The following MRPL1 variants were observed in gnomAD, a reference collection of about 807,000 sequenced individuals.
MRPL1 encodes mitochondrial ribosomal protein L1, also known as large ribosomal subunit protein uL1m.
MRPL1 carries 28 observed loss-of-function variants against 38.0 expected under a neutral mutation model. The ratio of observed to expected loss-of-function variants is 0.74; its 90% CI spans 0.55 to 1.01. The LOEUF is 1.01. MRPL1 is among the 50% of genes least tolerant of loss of function. MRPL1 has a pLI of 0.00. For missense variants in MRPL1, 358 were observed against 389.8 expected, an observed-to-expected ratio of 0.92 and a Z score of 0.69; for synonymous variants, 123 against 126.7, an observed-to-expected ratio of 0.97 and a Z score of 0.20.
Position 77,952,622 on chromosome 4 carries a change from G to A in MRPL1, c.*15G>A, listed in dbSNP as rs749323066. On this transcript the variant is annotated 3_prime_UTR_variant, in exon 9 of 9. Coordinates refer to ENST00000315567, the MANE Select transcript of MRPL1 (RefSeq NM_020236.4). ...AAGATGCCTAAATGTGGTGAATTGT[G>A]AAATTACTTTCAGTGGTTTAAGAAG... 6.6e-7 allele frequency: 1 copy of A among 1,505,028 alleles called. No homozygotes were observed. Among genetic ancestry groups the A allele is most frequent in the Non-Finnish European group, 9.2e-7 (1 of 1,085,548 alleles). The allele number at this position is 1,505,028 out of a possible 1,614,324, so 93.2% of individuals were successfully genotyped here.
chr4:77,947,753 TTAAA>T (rs1422794585), intron 7 of MRPL1, among the ~76,000 whole-genome samples: 2 of 152,210 alleles, frequency 1.3e-5, no homozygotes, highest in Non-Finnish European at 2.9e-5. Flanking sequence ...CATTAGCCAA[TTAAA>T]TAATCACAGT....
At chr4:77,926,664 A>C (rs977926681) in intron 7 of MRPL1, among the ~76,000 whole-genome samples, 2 of 147,804 alleles carry the variant, frequency 1.4e-5, no homozygotes, top group Non-Finnish European at 3.0e-5. Flanking sequence ...GCTGGAGTGC[A>C]GTGGTGCGAT....
At chr4:77,913,248 G>A (rs1231166183) in intron 7 of MRPL1, among the ~76,000 whole-genome samples, 3 of 151,906 alleles carry the variant, frequency 2.0e-5, no homozygotes, top group Non-Finnish European at 2.9e-5. Context: ...TACAGACTGG[G>A]AAAAATATTT....
chr4:77,926,626 T>TC (rs146608405), intron 7 of MRPL1, among the ~76,000 whole-genome samples: 30,724 of 148,712 alleles, frequency 0.21, 3,850 homozygotes, highest in African/African-American at 0.34. Context: ...TTTTTTTTTT[T>TC]GAGACAGAGT....
chr4:77,893,111 A>G (rs1735840522), intron 5 of MRPL1, among the ~76,000 whole-genome samples: 1 of 152,190 alleles, frequency 6.6e-6, no homozygotes, highest in African/African-American at 2.4e-5. Flanking sequence ...AAGGCTTTGA[A>G]TGGCATATTG....
At chr4:77,886,895 G>C (rs1279318404) in intron 4 of MRPL1, among the ~76,000 whole-genome samples, 3 of 146,084 alleles carry the variant, frequency 2.1e-5, no homozygotes, top group Non-Finnish European at 4.5e-5. Context: ...TGGGTTCAAG[G>C]ATTCTTCTGC....
At chr4:77,868,064 C>CT (rs201653037) in intron 1 of MRPL1, among the ~76,000 whole-genome samples, 53 of 145,444 alleles carry the variant, frequency 3.6e-4, no homozygotes, top group East Asian at 2.0e-3. Context: ...CCAGTTATTT[C>CT]TTTTTTTTTT....
intron 7 of MRPL1, among the ~76,000 whole-genome samples, chr4:77,914,046 TG>T (rs1736358220): frequency 6.6e-6 from 1 of 152,172 alleles, no homozygotes; most frequent in Admixed American, 6.5e-5. Flanking sequence ...GACTGGTGAT[TG>T]TTGCATGTGT....
At chr4:77,896,765 A>G (rs1251636173) in intron 6 of MRPL1, among the ~76,000 whole-genome samples, 1 of 152,146 alleles carries the variant, frequency 6.6e-6, no homozygotes, top group African/African-American at 2.4e-5. Flanking sequence ...TTAATGCTGC[A>G]GTTTTATTCG....
chr4:77,914,425 AT>A (rs1257789247), intron 7 of MRPL1, among the ~76,000 whole-genome samples: 2 of 152,308 alleles, frequency 1.3e-5, no homozygotes, highest in Admixed American at 1.3e-4. Flanking sequence ...GAAACATTGA[AT>A]TTTACATCAG....
At chr4:77,864,256 C>G (rs953539986) in intron 1 of MRPL1, among the ~76,000 whole-genome samples, 2 of 152,130 alleles carry the variant, frequency 1.3e-5, no homozygotes. Context: ...CTCTTGGCTT[C>G]TAGGATATCT....
chr4:77,941,087 G>A (rs1018881868), intron 7 of MRPL1, among the ~76,000 whole-genome samples: 2 of 152,106 alleles, frequency 1.3e-5, no homozygotes, highest in Non-Finnish European at 2.9e-5. Context: ...CCACCATAGT[G>A]AAACCACATG....
intron 1 of MRPL1, chr4:77,863,156 C>T: frequency 1.9e-6 from 1 of 518,482 alleles, no homozygotes; most frequent in Non-Finnish European, 3.4e-6. Context: ...TGGGTCGTCT[C>T]TGATACTGGG....
At chr4:77,885,364 A>G (rs772884835) in intron 4 of MRPL1, 25 bp downstream of exon 4, 1 of 1,562,312 alleles carries the variant, frequency 6.4e-7, no homozygotes, top group South Asian at 1.1e-5. Context: ...TCAACTATTT[A>G]TATCATTTAA....
At chr4:77,934,018 C>T (rs1169458050) in intron 7 of MRPL1, among the ~76,000 whole-genome samples, 1 of 152,102 alleles carries the variant, frequency 6.6e-6, no homozygotes, top group Non-Finnish European at 1.5e-5. Flanking sequence ...GTGAAAAAAT[C>T]TCTGGTGCAT....
chr4:77,883,660 C>G (rs866182105), intron 3 of MRPL1, among the ~76,000 whole-genome samples, 160 bp downstream of exon 3: 14 of 152,260 alleles, frequency 9.2e-5, no homozygotes, highest in Middle Eastern at 6.8e-3. Context: ...TCACTGCAGA[C>G]TCCACCTCCC....
At chr4:77,865,035 G>A (rs151254655) in intron 1 of MRPL1, among the ~76,000 whole-genome samples, 2,393 of 151,830 alleles carry the variant, frequency 0.016, 25 homozygotes, top group Non-Finnish European at 0.022. Flanking sequence ...GATTACAGGC[G>A]CGTGCCACCA....
Position 77,863,097 on chromosome 4 carries a change from C to T in MRPL1, c.31+218C>T, listed in dbSNP as rs1735041145. ...TCCACCCTGAGGGAGGGAGTGGGAG[C>T]GGGACGTACATCGAGCGCCCTCCAG... On this transcript the variant is annotated intron_variant, in intron 1 of 8. Coordinates refer to ENST00000315567, the MANE Select transcript of MRPL1 (RefSeq NM_020236.4). 1.0e-5 allele frequency: 6 copies of T among 592,500 alleles called. No homozygotes were observed. The South Asian group carries it at 1.4e-4, about 14-fold the overall frequency. 36.7% of individuals were successfully genotyped at this position (592,500 alleles called of 1,614,324 possible). A position where few individuals can be genotyped will look rare whatever the true frequency, so the allele number is the denominator to read the frequency against.
At chr4:77,908,973 C>A (rs921564207) in intron 6 of MRPL1, among the ~76,000 whole-genome samples, 4 of 152,230 alleles carry the variant, frequency 2.6e-5, no homozygotes, top group Non-Finnish European at 5.9e-5. Context: ...CACAGCATTG[C>A]AGCTTGTTTC....
Sources: allele counts gnomAD v4.1 joint callset (sites outside exome capture counted in the v4.1 genomes callset), GRCh38; gene constraint gnomAD v4.1.1; transcripts MANE v1.5; gene names NCBI Gene and HGNC (gene_info 2026-07-23, HGNC 2026-07-21).